CHAT: variants seen among roughly 807,000 people sequenced by gnomAD.
CHAT encodes choline O-acetyltransferase.
In CHAT, 61 loss-of-function variants were observed where a neutral mutation model predicts 76.9. The observed-to-expected ratio is 0.79, with a 90% confidence interval of 0.65 to 0.98. The LOEUF is 0.98. CHAT is among the 50% of genes least tolerant of loss of function. The probability of loss-of-function intolerance (pLI) is 0.00; values close to 1 mark genes in which losing one functional copy is unlikely to be tolerated. For missense variants in CHAT, 946 were observed against 986.9 expected (o/e 0.96, Z 0.56); for synonymous variants, 407 against 397.4 (o/e 1.02, Z -0.29).
At position 49,648,569 on chromosome 10, in the gene CHAT, C is replaced by A. The variant is rs754253168; in HGVS notation, c.1344C>A (p.Ile448=). Residue 448 remains isoleucine (I), a synonymous_variant, in exon 9 of 15, where the codon ATC becomes ATA. Transcript: ENST00000337653. ...GCGAACACTCCCCATTCGATGGCAT[C>A]GTCCTGGTGCAGTGCACTGAGCATC... ...VVCEHSPFDG[I]VLVQCTEHLL... 6.2e-7 allele frequency: 1 copy of A among 1,613,926 alleles called. No homozygotes were observed. The highest frequency in any genetic ancestry group is 8.5e-7 in the Non-Finnish European group (1 of 1,179,862).
In CHAT at chr10:49,646,676, T is replaced by C; in HGVS notation, c.1281+2T>C. Reference sequence around the variant, plus strand: ...CGCTGGTACGACAAGTCCCTGCAGGTAAGCCGTCCAGGTGGCCCTGCAAGA... The same window carrying C: ...CGCTGGTACGACAAGTCCCTGCAGGCAAGCCGTCCAGGTGGCCCTGCAAGA... On this transcript the variant is annotated splice_donor_variant, in intron 8 of 14. Coordinates refer to ENST00000337653, the MANE Select transcript of CHAT (RefSeq NM_020549.5). LOFTEE classifies it high-confidence loss of function. The C allele has an allele frequency of 6.2e-7, 1 of 1,613,142 alleles. No homozygotes were observed.
intron 13 of CHAT, among the ~76,000 whole-genome samples, chr10:49,657,067 C>T (rs533413199): frequency 1.7e-4 from 26 of 152,176 alleles, no homozygotes; most frequent in Admixed American, 7.9e-4. Flanking sequence ...GAACACATGG[C>T]GACTGACTCA....
chr10:49,662,327 T>TA (rs1412686615), intron 13 of CHAT, among the ~76,000 whole-genome samples: 2 of 152,214 alleles, frequency 1.3e-5, no homozygotes, highest in African/African-American at 4.8e-5. Flanking sequence ...TCTTTCCACT[T>TA]AGAGAACCAG....
chr10:49,614,360 C>T lies in CHAT; in HGVS notation c.171C>T (p.Cys57=). 6.5e-7 allele frequency: 1 copy of T among 1,545,248 alleles called. No homozygotes were observed. The highest frequency in any genetic ancestry group is 8.7e-7 in the Non-Finnish European group (1 of 1,144,976). The part of the protein sequence containing the change: ...DVGGPAGNPG[C]SPHPRAATRP... ...GAGGCCCTGCCGGGAACCCAGGCTGCAGCCCCCACCCCCGCGCTGCGACAC... is the reference window on the plus strand; with the variant it reads ...GAGGCCCTGCCGGGAACCCAGGCTGTAGCCCCCACCCCCGCGCTGCGACAC... Residue 57 remains cysteine, a synonymous_variant, in exon 1 of 15, where the codon TGC becomes TGT. Coordinates refer to ENST00000337653, the MANE Select transcript of CHAT (RefSeq NM_020549.5).
At chr10:49,614,000 G>A (rs1590549490), upstream of CHAT, 1 of 1,062,190 alleles carries the variant, frequency 9.4e-7, no homozygotes, top group East Asian at 2.6e-5. Context: ...GCACCCCAAG[G>A]CTGGAATAAT....
At chr10:49,649,846 T>C (rs959822695) in intron 10 of CHAT, among the ~76,000 whole-genome samples, 1 of 147,214 alleles carries the variant, frequency 6.8e-6, no homozygotes, top group African/African-American at 2.5e-5. Context: ...ATCATTTCTC[T>C]AAAATGCAAA....
intron 7 of CHAT, among the ~76,000 whole-genome samples, chr10:49,638,874 C>T (rs1206340189): frequency 6.6e-6 from 1 of 152,162 alleles, no homozygotes; most frequent in African/African-American, 2.4e-5. Context: ...TTTACCTTTC[C>T]TATTGTTCTT....
upstream of CHAT, chr10:49,612,445 C>T (rs1838327789): frequency 1.8e-6 from 2 of 1,106,872 alleles, no homozygotes; most frequent in African/African-American, 1.6e-5. Flanking sequence ...CCAGCGAGTA[C>T]CCCAGCCACT....
intron 14 of CHAT, among the ~76,000 whole-genome samples, chr10:49,664,023 C>T (rs1840277530): frequency 6.6e-6 from 1 of 152,228 alleles, no homozygotes; most frequent in Non-Finnish European, 1.5e-5. Context: ...AGGTTTAAAA[C>T]AAACCAGGCC....
At position 49,655,178 on chromosome 10, in the gene CHAT, C is replaced by T. The variant is rs1839995687; in HGVS notation, c.1718C>T (p.Ala573Val). ...QEGRVDNIRSATPEALAFVRA... is the reference protein window; with the variant it reads ...QEGRVDNIRSVTPEALAFVRA... Reference sequence around the variant, plus strand: ...GGACGCGTGGACAACATCAGATCGGCCACTCCAGAGGCACTGGCTTTTGTG... The same window carrying T: ...GGACGCGTGGACAACATCAGATCGGTCACTCCAGAGGCACTGGCTTTTGTG... Residue 573 changes from alanine to valine, a missense_variant, in exon 12 of 15, where the codon GCC becomes GTC. By Grantham distance (64) the Ala-to-Val change is moderately conservative. Coordinates refer to ENST00000337653, the MANE Select transcript of CHAT (RefSeq NM_020549.5). The T allele has an allele frequency of 1.9e-6, 3 of 1,614,116 alleles. No individual in the cohort carries two copies. The highest frequency in any genetic ancestry group is 2.5e-6 in the Non-Finnish European group (3 of 1,180,028).
At chr10:49,656,421 C>A (rs968670600) in intron 13 of CHAT, among the ~76,000 whole-genome samples, 1 of 151,404 alleles carries the variant, frequency 6.6e-6, no homozygotes, top group African/African-American at 2.4e-5. Flanking sequence ...AGAGGCCCTT[C>A]AACGTGAACA....
At chr10:49,610,751 C>A, upstream of CHAT, 1 of 1,525,102 alleles carries the variant, frequency 6.6e-7, no homozygotes, top group South Asian at 1.3e-5. Context: ...ATGGAATCCG[C>A]GGAACCTGCG....
intron 11 of CHAT, among the ~76,000 whole-genome samples, chr10:49,653,196 G>C (rs1045270346): frequency 1.3e-5 from 2 of 152,090 alleles, no homozygotes; most frequent in Non-Finnish European, 2.9e-5. Flanking sequence ...GGTCCGGCCA[G>C]GTCTGGGATT....
chr10:49,632,749 C>G (rs1839168006), intron 7 of CHAT, among the ~76,000 whole-genome samples: 1 of 152,232 alleles, frequency 6.6e-6, no homozygotes, highest in African/African-American at 2.4e-5. Flanking sequence ...TTCACCCTGC[C>G]CCCAACCAGG....
intron 11 of CHAT, 135 bp downstream of exon 11, chr10:49,652,141 C>A (rs1839899811): frequency 2.5e-6 from 3 of 1,211,656 alleles, no homozygotes; most frequent in Non-Finnish European, 3.6e-6. Context: ...ACTGAGGCTG[C>A]ATGAAGGAGG....
At chr10:49,632,704 T>A (rs1839166352) in intron 7 of CHAT, among the ~76,000 whole-genome samples, 1 of 152,168 alleles carries the variant, frequency 6.6e-6, no homozygotes, top group African/African-American at 2.4e-5. Context: ...CTCCATTTTA[T>A]CAACCTCTCT....
upstream of CHAT, chr10:49,612,483 C>G: frequency 1.3e-6 from 1 of 794,366 alleles, no homozygotes; most frequent in Non-Finnish European, 2.0e-6. Context: ...GCCCAAATCC[C>G]CTCCCTGTGA....
chr10:49,611,936 C>G (rs777182420), upstream of CHAT: 1 of 1,612,638 alleles, frequency 6.2e-7, no homozygotes, highest in South Asian at 1.1e-5. Context: ...CTAGTCGACA[C>G]AGCACTGCTG....
intron 2 of CHAT, among the ~76,000 whole-genome samples, chr10:49,617,222 C>A (rs543131959): frequency 6.6e-6 from 1 of 151,946 alleles, no homozygotes; most frequent in African/African-American, 2.4e-5. Flanking sequence ...AAACCCTGAG[C>A]AGAATTTTCT....
Sources: allele counts gnomAD v4.1 joint callset (sites outside exome capture counted in the v4.1 genomes callset), GRCh38; gene constraint gnomAD v4.1.1; transcripts MANE v1.5; gene names NCBI Gene and HGNC (gene_info 2026-07-23, HGNC 2026-07-21).